The following SERP2 variants were observed in gnomAD, a reference collection of about 807,000 sequenced individuals.
The protein encoded by SERP2 is stress associated endoplasmic reticulum protein family member 2, also known as stress-associated endoplasmic reticulum protein 2.
Under a neutral mutation model 9.1 loss-of-function variants are expected in SERP2, and 6 were observed. The ratio of observed to expected loss-of-function variants is 0.66; its 90% confidence interval spans 0.36 to 1.30. The LOEUF is 1.30. Ranked by LOEUF, SERP2 falls within the 50% of genes most tolerant of loss-of-function variation. SERP2 has a pLI of 0.03. For synonymous variants in SERP2, 37 were observed against 27.3 expected (o/e 1.35, Z -1.10); for missense variants, 58 against 81.9 (o/e 0.71, Z 1.13).
At chr13:44,377,674 G>A (rs961109611) in intron 1 of SERP2, among the ~76,000 whole-genome samples, 3 of 152,316 alleles carry the variant, frequency 2.0e-5, no homozygotes, top group African/African-American at 7.2e-5. Context: ...TCTACCTGCC[G>A]TTGACACTTT....
intron 2 of SERP2, among the ~76,000 whole-genome samples, chr13:44,393,795 T>A (rs1033363859): frequency 5.9e-5 from 9 of 152,128 alleles, no homozygotes; most frequent in African/African-American, 2.2e-4. Flanking sequence ...TATTGGCAGG[T>A]ACACAGAATT....
At position 44,394,584 on chromosome 13, in the gene SERP2, A is replaced by T. The variant is rs144586004; in HGVS notation, c.158-2688A>T. On this transcript the variant is annotated intron_variant, in intron 2 of 2. Coordinates refer to ENST00000379179, the MANE Select transcript of SERP2 (RefSeq NM_001010897.3). ...CTATTTGTTGACTTACATCCTGCTG[A>T]TAAGTTTTTGTCTAAGGGCAAGAGT... 9.2e-4 allele frequency among the ~76,000 whole-genome samples: 140 copies of T among 152,336 alleles called. 1 individual carries two copies. The highest frequency in any genetic ancestry group is 3.3e-3 in the African/African-American group (137 of 41,554).
In SERP2 at chr13:44,374,113, AG is replaced by A; in HGVS notation, c.84+6del. The A allele has an allele frequency of 7.6e-7, 1 of 1,310,684 alleles. No homozygotes were observed. 81.2% of individuals were successfully genotyped at this position (1,310,684 alleles called of 1,614,324 possible). A position where few individuals can be genotyped will look rare whatever the true frequency, so the allele number is the denominator to read the frequency against. On this transcript the variant is annotated splice_donor_5th_base_variant and intron_variant, in intron 1 of 2. Coordinates refer to ENST00000379179, the MANE Select transcript of SERP2 (RefSeq NM_001010897.3). ...GGGGAACGTAGCCAAAACCCTGGTAAGGCGGGGTCGGCGCCGGCCAGGCAGA... is the reference window on the plus strand; with the variant it reads ...GGGGAACGTAGCCAAAACCCTGGTAAGCGGGGTCGGCGCCGGCCAGGCAGA...
At chr13:44,391,434 C>T (rs1349873266) in intron 2 of SERP2, among the ~76,000 whole-genome samples, 2 of 152,184 alleles carry the variant, frequency 1.3e-5, no homozygotes, top group South Asian at 2.1e-4. Flanking sequence ...AGAGGACCTA[C>T]TTTGTGCCAT....
chr13:44,381,195 G>A (rs1196244431), intron 2 of SERP2, among the ~76,000 whole-genome samples: 2 of 136,736 alleles, frequency 1.5e-5, no homozygotes, highest in African/African-American at 2.8e-5. Context: ...CAGAGATCGC[G>A]CCATTGCACT....
At chr13:44,395,770 C>T (rs1201134712) in intron 2 of SERP2, 8 of 456,540 alleles carry the variant, frequency 1.8e-5, no homozygotes, top group South Asian at 1.2e-4. Context: ...TGATTTGACT[C>T]GTAATTCTAA....
intron 1 of SERP2, among the ~76,000 whole-genome samples, chr13:44,377,956 A>G (rs1000344744): frequency 1.3e-5 from 2 of 152,212 alleles, no homozygotes; most frequent in Non-Finnish European, 2.9e-5. Context: ...AGAGACAGAT[A>G]TTAAACACAT....
At chr13:44,397,243 T>C in intron 2 of SERP2, 29 bp from the exon 3 acceptor site, 1 of 1,609,626 alleles carries the variant, frequency 6.2e-7, no homozygotes, top group Non-Finnish European at 8.5e-7. Flanking sequence ...CAGTCTGGTG[T>C]CTGAGCTGTG....
intron 2 of SERP2, 84 bp downstream of exon 2, chr13:44,379,797 G>A: frequency 1.1e-6 from 1 of 886,130 alleles, no homozygotes; most frequent in Admixed American, 2.2e-5. Flanking sequence ...GCAAATAGAT[G>A]AAAAACATAC....
intron 2 of SERP2, among the ~76,000 whole-genome samples, chr13:44,382,213 G>A (rs1043542566): frequency 3.3e-5 from 5 of 151,618 alleles, no homozygotes; most frequent in African/African-American, 4.8e-5. Flanking sequence ...CGAGGCGGGC[G>A]GATCATGAGG....
chr13:44,376,541 A>G (rs979695661), intron 1 of SERP2, among the ~76,000 whole-genome samples: 1 of 152,134 alleles, frequency 6.6e-6, no homozygotes, highest in Non-Finnish European at 1.5e-5. Context: ...TTCGGAGGCC[A>G]AGGCGGATGG....
intron 1 of SERP2, among the ~76,000 whole-genome samples, chr13:44,374,351 T>C (rs1018516298): frequency 6.6e-6 from 1 of 152,102 alleles, no homozygotes; most frequent in African/African-American, 2.4e-5. Context: ...AGTGGCTACC[T>C]GGGCTACCAG....
At chr13:44,384,983 C>T (rs1872231250) in intron 2 of SERP2, among the ~76,000 whole-genome samples, 1 of 152,206 alleles carries the variant, frequency 6.6e-6, no homozygotes, top group Admixed American at 6.5e-5. Context: ...AATAAATATT[C>T]AGGTCAGGCA....
At chr13:44,396,414 G>A (rs1409777434) in intron 2 of SERP2, among the ~76,000 whole-genome samples, 13 of 144,462 alleles carry the variant, frequency 9.0e-5, no homozygotes, top group African/African-American at 3.1e-4. Context: ...GGTTAGATGA[G>A]ATGATACCCA....
chr13:44,376,466 T>G (rs1328012438), intron 1 of SERP2, among the ~76,000 whole-genome samples: 2 of 152,208 alleles, frequency 1.3e-5, no homozygotes, highest in African/African-American at 2.4e-5. Flanking sequence ...TTCTCCCAGA[T>G]AGCAGACTAA....
chr13:44,392,040 C>A (rs1872799647), intron 2 of SERP2, among the ~76,000 whole-genome samples: 1 of 150,286 alleles, frequency 6.7e-6, no homozygotes, highest in Non-Finnish European at 1.5e-5. Flanking sequence ...ATTAAAAATA[C>A]AAAAAAAATT....
chr13:44,397,413 A>G lies in SERP2; in HGVS notation c.*101A>G, dbSNP rs1873181350. 4.4e-6 allele frequency: 4 copies of G among 910,030 alleles called. No homozygotes were observed. The highest frequency in any genetic ancestry group is 5.4e-6 in the Non-Finnish European group (3 of 560,650). 56.4% of individuals were successfully genotyped at this position (910,030 alleles called of 1,614,324 possible). A position where few individuals can be genotyped will look rare whatever the true frequency, so the allele number is the denominator to read the frequency against. On this transcript the variant is annotated 3_prime_UTR_variant, in exon 3 of 3. Coordinates refer to ENST00000379179, the MANE Select transcript of SERP2 (RefSeq NM_001010897.3). ...GGGAAACAAGCAGGCCACACGGAAT[A>G]GAAAAAAACGCTCCCCCACTTGTTC...
chr13:44,376,683 G>A (rs1392431765), intron 1 of SERP2, among the ~76,000 whole-genome samples: 1 of 152,062 alleles, frequency 6.6e-6, no homozygotes, highest in East Asian at 1.9e-4. Flanking sequence ...GCTGAGGCAT[G>A]AGAATGGCTT....
rs934940044 is a variant in SERP2 at position 44,380,432 on chromosome 13, G to A, written c.157+719G>A. 2.6e-5 allele frequency among the ~76,000 whole-genome samples: 4 copies of A among 152,112 alleles called. No homozygotes were observed. The South Asian group carries it at 8.3e-4, about 31-fold the overall frequency. ...TGTTACTGAGGGCAGGGAGGCAGAA[G>A]GTCCACATCTTCCTGCTCAGGCTTA... On this transcript the variant is annotated intron_variant, in intron 2 of 2. Transcript: ENST00000379179.
Sources: allele counts gnomAD v4.1 joint callset (sites outside exome capture counted in the v4.1 genomes callset), GRCh38; gene constraint gnomAD v4.1.1; transcripts MANE v1.5; gene names NCBI Gene and HGNC (gene_info 2026-07-23, HGNC 2026-07-21).